The following PARD3B variants were observed in gnomAD, a reference collection of about 807,000 sequenced individuals.
PARD3B encodes par-3 family cell polarity regulator beta.
In PARD3B, 103 loss-of-function variants were observed where a neutral mutation model predicts 130.2. The observed-to-expected ratio is 0.79, with a 90% confidence interval of 0.67 to 0.93. The LOEUF is 0.93. Ranked by LOEUF, PARD3B falls within the 40% of genes least tolerant of loss-of-function variation. The probability of loss-of-function intolerance (pLI) is 0.00; values close to 1 mark genes in which losing one functional copy is unlikely to be tolerated. For missense variants in PARD3B, 1,609 were observed against 1,499.2 expected, an observed-to-expected ratio of 1.07 and a Z score of -1.21; for synonymous variants, 583 against 553.2, an observed-to-expected ratio of 1.05 and a Z score of -0.76.
At chr2:205,384,591 C>T (rs1348723040) in intron 18 of PARD3B, among the ~76,000 whole-genome samples, 1 of 152,116 alleles carries the variant, frequency 6.6e-6, no homozygotes, top group Non-Finnish European at 1.5e-5. Context: ...GCTCTATTTT[C>T]CTTCCTAGCT....
At chr2:205,606,569 C>CA (rs2055007445) in intron 22 of PARD3B, among the ~76,000 whole-genome samples, 1 of 152,102 alleles carries the variant, frequency 6.6e-6, no homozygotes, top group South Asian at 2.1e-4. Flanking sequence ...CCCTCCCCAC[C>CA]AAAATCACAC....
rs534204795 is a variant in PARD3B at position 204,673,259 on chromosome 2, T to C, written c.121-12922T>C. Among the ~76,000 whole-genome samples the C allele has an allele frequency of 1.3e-5, 2 of 152,342 alleles. No homozygotes were observed. Among genetic ancestry groups the C allele is most frequent in the African/African-American group, 2.4e-5 (1 of 41,582 alleles). ...AAATAACATGTAAGTCCCTTCTTCT[T>C]CCTTTCTAGAAGTATTTTCTTTTAA... On this transcript the variant is annotated intron_variant, in intron 1 of 22. Transcript: ENST00000406610. The surrounding 1 kb of genome is among the most constrained non-coding windows in gnomAD (Gnocchi z 4.7).
intron 4 of PARD3B, among the ~76,000 whole-genome samples, chr2:205,057,065 G>GT (rs1699685272): frequency 6.6e-6 from 1 of 151,446 alleles, no homozygotes; most frequent in African/African-American, 2.4e-5. Context: ...TATTTGCATA[G>GT]TCTCATAAAA....
intron 18 of PARD3B, among the ~76,000 whole-genome samples, chr2:205,346,214 A>AATAAATAT (rs1375853261): frequency 8.3e-6 from 1 of 120,086 alleles, no homozygotes; most frequent in African/African-American, 2.7e-5. Context: ...TAAATAAATA[A>AATAAATAT]ATAAATTTCA....
intron 18 of PARD3B, among the ~76,000 whole-genome samples, chr2:205,354,030 T>G (rs1451849381): frequency 7.1e-5 from 8 of 111,908 alleles, no homozygotes; most frequent in Non-Finnish European, 1.4e-4. Flanking sequence ...CTTTTCCTTT[T>G]TTTTTTTTTT....
chr2:205,269,966 C>T lies in PARD3B; in HGVS notation c.2185+24144C>T, dbSNP rs896386581. On this transcript the variant is annotated intron_variant, in intron 16 of 22. Coordinates refer to ENST00000406610, the MANE Select transcript of PARD3B (RefSeq NM_001302769.2). This position sits in a 1 kb window ranked among gnomAD's most constrained non-coding sequence, Gnocchi z 4.7. ...TAAGGGACAACTTCAGACAATAATA[C>T]CTAAATACATTAAAATGACTAAAGG... is the stretch of plus-strand genomic sequence containing the variant. 6.6e-6 allele frequency among the ~76,000 whole-genome samples: 1 copy of T among 151,980 alleles called. No homozygotes were observed. Among genetic ancestry groups the T allele is most frequent in the Non-Finnish European group, 1.5e-5 (1 of 68,000 alleles).
chr2:205,584,399 C>T lies in PARD3B; in HGVS notation c.3260+30996C>T, dbSNP rs528958619. Reference sequence around the variant, plus strand: ...AAGTTTTAAATTATGTATGCGAGGCCGGACACGATAGCTCATGCTTACAAT... The same window carrying T: ...AAGTTTTAAATTATGTATGCGAGGCTGGACACGATAGCTCATGCTTACAAT... On this transcript the variant is annotated intron_variant, in intron 22 of 22. Coordinates refer to ENST00000406610, the MANE Select transcript of PARD3B (RefSeq NM_001302769.2). This position sits in a 1 kb window ranked among gnomAD's most constrained non-coding sequence, Gnocchi z 5.5. 1.4e-4 allele frequency among the ~76,000 whole-genome samples: 21 copies of T among 152,044 alleles called. No homozygotes were observed. The highest frequency in any genetic ancestry group is 2.1e-4 in the Non-Finnish European group (14 of 68,006).
At chr2:204,903,761 T>A (rs1182712200) in intron 2 of PARD3B, among the ~76,000 whole-genome samples, 1 of 152,202 alleles carries the variant, frequency 6.6e-6, no homozygotes, top group East Asian at 1.9e-4. Context: ...TAAATTTTAT[T>A]TTTGCCTCTA....
intron 2 of PARD3B, among the ~76,000 whole-genome samples, chr2:204,845,753 C>T (rs892211534): frequency 6.6e-6 from 1 of 152,090 alleles, no homozygotes; most frequent in African/African-American, 2.4e-5. Flanking sequence ...CTATAACCTT[C>T]ACAACTACAC....
intron 16 of PARD3B, among the ~76,000 whole-genome samples, chr2:205,247,914 ATTTTTTG>A (rs1033112404): frequency 7.9e-5 from 12 of 151,726 alleles, no homozygotes; most frequent in Non-Finnish European, 1.3e-4. Flanking sequence ...ACCCTTCCCC[ATTTTTTG>A]TTTTTTGTTT....
intron 2 of PARD3B, among the ~76,000 whole-genome samples, chr2:204,942,771 CT>C (rs1431690763): frequency 1.3e-5 from 2 of 152,128 alleles, no homozygotes; most frequent in African/African-American, 4.8e-5. Flanking sequence ...AATCCCTAAA[CT>C]TATTTTCATA....
In PARD3B at chr2:204,546,060, C is replaced by G; in HGVS notation, c.61C>G (p.Leu21Val). The change falls in exon 1 of 23, where the codon CTG becomes GTG. Residue 21 changes from leucine (L) to valine (V), a missense_variant. Coordinates refer to ENST00000406610, the MANE Select transcript of PARD3B (RefSeq NM_001302769.2). ...CGTGGTGCCCTGCAAGGAGGGCCAGCTGCGCGTCGGCGAGCTCACCCAGCA... is the reference window on the plus strand; with the variant it reads ...CGTGGTGCCCTGCAAGGAGGGCCAGGTGCGCGTCGGCGAGCTCACCCAGCA... ...GIVVPCKEGQ[L>V]RVGELTQQAL... 1 of 1,563,468 alleles carries G rather than the reference C, an allele frequency of 6.4e-7. No individual in the cohort carries two copies. The highest frequency in any genetic ancestry group is 8.7e-7 in the Non-Finnish European group (1 of 1,153,376).
chr2:204,922,453 G>A (rs1178802299), intron 2 of PARD3B, among the ~76,000 whole-genome samples: 2 of 152,024 alleles, frequency 1.3e-5, no homozygotes, highest in African/African-American at 4.8e-5. Context: ...ATAAATGTAA[G>A]AAATTTTTTT....
At chr2:205,528,399 A>G (rs906777256) in intron 21 of PARD3B, among the ~76,000 whole-genome samples, 6 of 152,196 alleles carry the variant, frequency 3.9e-5, no homozygotes, top group African/African-American at 1.4e-4. Context: ...TGAGGCAGAA[A>G]CATCTATGAG....
intron 18 of PARD3B, among the ~76,000 whole-genome samples, chr2:205,394,022 T>C (rs2045943978): frequency 6.6e-6 from 1 of 152,152 alleles, no homozygotes. Flanking sequence ...GGACTTAGTT[T>C]AATTGAGGGG....
chr2:205,474,622 C>A (rs1297637797), intron 20 of PARD3B, among the ~76,000 whole-genome samples: 2 of 152,034 alleles, frequency 1.3e-5, no homozygotes, highest in African/African-American at 2.4e-5. Flanking sequence ...TGATAAGCAC[C>A]TTTATAAAAT....
intron 18 of PARD3B, among the ~76,000 whole-genome samples, chr2:205,390,988 T>A (rs2045837449): frequency 6.6e-6 from 1 of 152,202 alleles, no homozygotes; most frequent in Non-Finnish European, 1.5e-5. Context: ...TTTGCTGAGA[T>A]GACCCCATTT....
chr2:205,244,982 A>G lies in PARD3B; in HGVS notation c.2141-796A>G, dbSNP rs536781957. On this transcript the variant is annotated intron_variant, in intron 15 of 22. Coordinates refer to ENST00000406610, the MANE Select transcript of PARD3B (RefSeq NM_001302769.2). This position sits in a 1 kb window ranked among gnomAD's most constrained non-coding sequence, Gnocchi z 4.7. ...AACTCTTGGGTTAATTTTCTTACAC[A>G]CATATGATCATCAGTATTCAACTAC... is the stretch of plus-strand genomic sequence containing the variant. Among the ~76,000 whole-genome samples the G allele has an allele frequency of 6.6e-6, 1 of 152,302 alleles. No homozygotes were observed. The highest frequency in any genetic ancestry group is 2.1e-4 in the South Asian group (1 of 4,824).
At chr2:205,052,746 T>G (rs963009869) in intron 4 of PARD3B, among the ~76,000 whole-genome samples, 1 of 152,108 alleles carries the variant, frequency 6.6e-6, no homozygotes, top group Non-Finnish European at 1.5e-5. Context: ...TATTAAATAA[T>G]GAAGGTTAGT....
Sources: allele counts gnomAD v4.1 joint callset (sites outside exome capture counted in the v4.1 genomes callset), GRCh38; gene constraint gnomAD v4.1.1; non-coding constraint Gnocchi (gnomAD v3.1); transcripts MANE v1.5; gene names NCBI Gene and HGNC (gene_info 2026-07-23, HGNC 2026-07-21).